Variants in STYXL1 observed in about 807,000 individuals in gnomAD.
STYXL1 encodes serine/threonine/tyrosine-interacting-like protein 1.
Under a neutral mutation model 36.4 loss-of-function variants are expected in STYXL1, and 32 were observed. The ratio of observed to expected loss-of-function variants is 0.88; its 90% CI spans 0.66 to 1.18. The LOEUF is 1.18. Ranked by LOEUF, STYXL1 falls within the 50% of genes most tolerant of loss-of-function variation. The probability of loss-of-function intolerance (pLI) is 0.00; values close to 1 mark genes in which losing one functional copy is unlikely to be tolerated. For synonymous variants in STYXL1, 133 were observed against 144.1 expected (o/e 0.92, Z 0.55); for missense variants, 354 against 394.1 (o/e 0.90, Z 0.86).
chr7:75,999,511 A>ATGTGTG (rs71301271), intron 8 of STYXL1, among the ~76,000 whole-genome samples: 144 of 95,960 alleles, frequency 1.5e-3, no homozygotes, highest in African/African-American at 4.9e-3. Flanking sequence ...GTGTGTGTGT[A>ATGTGTG]TGTGTGTGTG....
chr7:76,039,734 G>A (rs1796297573), intron 1 of STYXL1, among the ~76,000 whole-genome samples: 3 of 151,920 alleles, frequency 2.0e-5, no homozygotes, highest in South Asian at 2.1e-4. Context: ...TGCAACCTTC[G>A]CCTCCCAAGT....
chr7:76,015,417 C>T (rs183199751), intron 4 of STYXL1, among the ~76,000 whole-genome samples: 1 of 152,312 alleles, frequency 6.6e-6, no homozygotes, highest in East Asian at 1.9e-4. Flanking sequence ...CTATAGAAAT[C>T]CTAGAAGAAA....
chr7:76,046,335 TGTGTGCGCGCGCGCGC>T (rs1797050081), intron 1 of STYXL1, among the ~76,000 whole-genome samples: 5 of 19,034 alleles, frequency 2.6e-4, no homozygotes, highest in Middle Eastern at 0.026. Context: ...TGTGTGTGTG[TGTGTGCGCGCGCGCGC>T]GCGCGCGCTT....
At chr7:76,032,098 G>A (rs1795405571) in intron 1 of STYXL1, among the ~76,000 whole-genome samples, 1 of 151,876 alleles carries the variant, frequency 6.6e-6, no homozygotes, top group African/African-American at 2.4e-5. Flanking sequence ...GCAAGACCCT[G>A]TAATACAAAT....
intron 1 of STYXL1, among the ~76,000 whole-genome samples, chr7:76,035,893 G>A (rs1172297497): frequency 6.7e-6 from 1 of 149,664 alleles, no homozygotes; most frequent in Admixed American, 6.7e-5. Flanking sequence ...CCTTCTCAAA[G>A]CACTCTACCT....
At chr7:76,029,503 T>C (rs1237858640) in intron 2 of STYXL1, among the ~76,000 whole-genome samples, 1 of 152,124 alleles carries the variant, frequency 6.6e-6, no homozygotes, top group East Asian at 1.9e-4. Flanking sequence ...GGGACTGGTT[T>C]CATGGAAGAC....
intron 4 of STYXL1, among the ~76,000 whole-genome samples, chr7:76,021,327 C>G (rs536542544): frequency 1.1e-4 from 16 of 152,136 alleles, no homozygotes; most frequent in Admixed American, 1.0e-3. Flanking sequence ...GTGATCCGCC[C>G]GCCTCGGCCT....
intron 3 of STYXL1, among the ~76,000 whole-genome samples, chr7:76,026,317 A>G (rs1275822623): frequency 6.9e-6 from 1 of 145,392 alleles, no homozygotes; most frequent in Non-Finnish European, 1.5e-5. Context: ...ATTACTTTTG[A>G]GACAGGGTCT....
chr7:76,028,628 C>T lies in STYXL1; in HGVS notation c.165+14G>A, dbSNP rs782498621. On this transcript the variant is annotated intron_variant, in intron 3 of 8. Coordinates refer to ENST00000359697, the MANE Select transcript of STYXL1 (RefSeq NM_001317785.2). ...GTAGCCAGCCTGCCCCAGATCCTGA[C>T]GCTGCCCATGTACCTTCTTCACTCG... The T allele has an allele frequency of 3.7e-5, 59 of 1,613,244 alleles. No individual in the cohort carries two copies. The highest frequency in any genetic ancestry group is 5.0e-5 in the Admixed American group (3 of 59,926).
intron 1 of STYXL1, among the ~76,000 whole-genome samples, chr7:76,032,932 A>G (rs1244939708): frequency 6.6e-6 from 1 of 152,042 alleles, no homozygotes; most frequent in Admixed American, 6.6e-5. Context: ...AGTTCAAAGG[A>G]GCCTGGTGTG....
intron 1 of STYXL1, among the ~76,000 whole-genome samples, chr7:76,047,234 C>G (rs2116605498): frequency 6.6e-6 from 1 of 152,228 alleles, no homozygotes; most frequent in East Asian, 2.0e-4. Context: ...GCACTCCAGC[C>G]TGGGCTAGAG....
chr7:76,026,776 G>T (rs929837025), intron 3 of STYXL1, among the ~76,000 whole-genome samples: 12 of 152,138 alleles, frequency 7.9e-5, no homozygotes, highest in African/African-American at 2.7e-4. Context: ...AAACCAGGAG[G>T]CCAGGCTCAC....
At chr7:76,014,985 A>T (rs1432232204) in intron 4 of STYXL1, among the ~76,000 whole-genome samples, 1 of 152,162 alleles carries the variant, frequency 6.6e-6, no homozygotes, top group African/African-American at 2.4e-5. Flanking sequence ...GGTGGTTTAC[A>T]TCTATAATCC....
At chr7:76,028,945 G>A (rs782284422) in intron 2 of STYXL1, among the ~76,000 whole-genome samples, 3 of 151,934 alleles carry the variant, frequency 2.0e-5, no homozygotes, top group South Asian at 2.1e-4. Context: ...CCAACACGGC[G>A]AAATCCCATC....
intron 1 of STYXL1, among the ~76,000 whole-genome samples, chr7:76,032,227 T>TAAA (rs374647212): frequency 7.1e-6 from 1 of 139,914 alleles, no homozygotes; most frequent in African/African-American, 2.6e-5. Flanking sequence ...ACCCCATCTC[T>TAAA]AAAAAAAAAA....
intron 4 of STYXL1, among the ~76,000 whole-genome samples, chr7:76,018,643 G>T (rs970909806): frequency 6.6e-6 from 1 of 152,086 alleles, no homozygotes; most frequent in African/African-American, 2.4e-5. Context: ...CTCCCGCCTT[G>T]GCCTTCCAAA....
intron 4 of STYXL1, among the ~76,000 whole-genome samples, chr7:76,019,349 TAC>T (rs1793774502): frequency 6.6e-6 from 1 of 151,160 alleles, no homozygotes; most frequent in South Asian, 2.1e-4. Context: ...CAGGCTAGAA[TAC>T]AGTGGTACAG....
chr7:76,019,263 G>GAACTCTAA (rs1793752925), intron 4 of STYXL1, among the ~76,000 whole-genome samples: 1 of 151,420 alleles, frequency 6.6e-6, no homozygotes, highest in Admixed American at 6.6e-5. Context: ...AAAACAGCAT[G>GAACTCTAA]AACTCTAACT....
chr7:76,046,277 TGTGTGTGTGTGTGTGTGTGTG>T (rs1796965034), intron 1 of STYXL1, among the ~76,000 whole-genome samples: 62 of 17,992 alleles, frequency 3.4e-3, no homozygotes, highest in African/African-American at 9.3e-3. Flanking sequence ...TTATCTGCTG[TGTGTGTGTGTGTGTGTGTGTG>T]TGTGTGTGTG....
Sources: gnomAD v4.1 joint callset for allele counts (sites outside exome capture counted in the v4.1 genomes callset) on GRCh38, gnomAD v4.1.1 for gene constraint, MANE v1.5 for transcripts, NCBI Gene and HGNC (gene_info 2026-07-23, HGNC 2026-07-21) for gene names.